The following SPO11 variants were observed in gnomAD, a reference collection of about 807,000 sequenced individuals.
SPO11 encodes the protein meiotic recombination protein SPO11.
In SPO11, 49 loss-of-function variants were observed where a neutral mutation model predicts 51.6. The observed-to-expected ratio is 0.95, with a 90% confidence interval of 0.75 to 1.20. The LOEUF (loss-of-function observed/expected upper bound fraction) is 1.20, where lower values mean the gene tolerates loss of function less well. Among genes scored for constraint, SPO11 ranks in the 50% most tolerant of loss-of-function variants. SPO11 has a pLI of 0.00. For missense variants in SPO11, 431 were observed against 473.4 expected (o/e 0.91, Z 0.83); for synonymous variants, 176 against 158.2 (o/e 1.11, Z -0.84).
At chr20:57,339,177 G>A (rs747870715) in intron 10 of SPO11, 151 bp downstream of exon 10, 7 of 468,606 alleles carry the variant, frequency 1.5e-5, no homozygotes, top group Non-Finnish European at 2.7e-5. Flanking sequence ...AGCAATCTGT[G>A]TGTCGGTGGC....
intron 10 of SPO11, 60 bp downstream of exon 10, chr20:57,339,086 T>G: frequency 8.4e-7 from 1 of 1,185,064 alleles, no homozygotes; most frequent in Non-Finnish European, 1.2e-6. Flanking sequence ...TTCATTGAGG[T>G]GATTTCTGCA....
At chr20:57,337,659 C>T (rs1374237526) in intron 8 of SPO11, 2 of 909,582 alleles carry the variant, frequency 2.2e-6, no homozygotes, top group Non-Finnish European at 3.1e-6. Flanking sequence ...TGAAATATTT[C>T]CTTAGGACCA....
At chr20:57,341,863 A>C (rs1340400445) in intron 11 of SPO11, among the ~76,000 whole-genome samples, 1 of 152,160 alleles carries the variant, frequency 6.6e-6, no homozygotes, top group Non-Finnish European at 1.5e-5. Context: ...CTAAAAAGCC[A>C]CTCCAAATGA....
At chr20:57,338,734 C>T (rs1373995041) in intron 9 of SPO11, among the ~76,000 whole-genome samples, 4 of 152,060 alleles carry the variant, frequency 2.6e-5, no homozygotes, top group Admixed American at 1.3e-4. Flanking sequence ...CAGGAACCAC[C>T]GTGCCCAGCC....
At chr20:57,340,242 G>C (rs1230304316) in intron 11 of SPO11, 64 bp downstream of exon 11, 11 of 1,088,114 alleles carry the variant, frequency 1.0e-5, no homozygotes, top group African/African-American at 1.5e-5. Flanking sequence ...GTAACAATAA[G>C]CCTAAAAAGT....
At chr20:57,337,434 C>T (rs115830696) in intron 8 of SPO11, among the ~76,000 whole-genome samples, 1 of 152,106 alleles carries the variant, frequency 6.6e-6, no homozygotes, top group Non-Finnish European at 1.5e-5. Flanking sequence ...GGTTTTGTTA[C>T]TCATTCAAGT....
rs761410004 is a variant in SPO11 at position 57,338,277 on chromosome 20, G to C, written c.746G>C (p.Gly249Ala). 6.2e-7 allele frequency: 1 copy of C among 1,604,006 alleles called. No individual in the cohort carries two copies. The highest frequency in any genetic ancestry group is 8.5e-7 in the Non-Finnish European group (1 of 1,172,426). Reference sequence around the variant, plus strand: ...TCTTAATTTTCATCTTCCTTTTAGGGAAAGGGAGTTCCTGATCTAAACACA... The same window carrying C: ...TCTTAATTTTCATCTTCCTTTTAGGCAAAGGGAGTTCCTGATCTAAACACA... The part of the protein sequence containing the change: ...NKLSPCIMIT[G>A]KGVPDLNTRL... Residue 249 changes from glycine to alanine, a missense_variant and splice_region_variant, in exon 9 of 13, where the codon GGA becomes GCA. Around this residue, in one of 3 missense-constraint regions of SPO11, gnomAD observed 405 missense variants for 425.9 expected, o/e 0.95. Coordinates refer to ENST00000371263, the MANE Select transcript of SPO11 (RefSeq NM_012444.3).
chr20:57,337,096 CA>C (rs1345018637), intron 8 of SPO11, among the ~76,000 whole-genome samples: 1 of 152,148 alleles, frequency 6.6e-6, no homozygotes, highest in African/African-American at 2.4e-5. Context: ...ACTTGCCCAA[CA>C]TCACACCACT....
chr20:57,337,003 G>T (rs1568761128), intron 8 of SPO11, among the ~76,000 whole-genome samples: 1 of 152,108 alleles, frequency 6.6e-6, no homozygotes, highest in Admixed American at 6.5e-5. Context: ...TGAAATCCAT[G>T]TTGCTATAAT....
At chr20:57,336,190 C>T (rs1167721278) in intron 8 of SPO11, among the ~76,000 whole-genome samples, 2 of 152,022 alleles carry the variant, frequency 1.3e-5, no homozygotes, top group Non-Finnish European at 2.9e-5. Context: ...GTTCATGTTT[C>T]TAAAACCACA....
At chr20:57,339,416 C>A (rs1442214656) in intron 10 of SPO11, among the ~76,000 whole-genome samples, 1 of 152,106 alleles carries the variant, frequency 6.6e-6, no homozygotes, top group African/African-American at 2.4e-5. Flanking sequence ...GAAATGGAAA[C>A]AATAAATGTC....
rs2146095566 is a variant in SPO11, at chr20:57,338,970, G to T, written c.845-19G>T. ...AATATGTAAGGAGACTAATTTTATA[G>T]TTAACTTTCTTTTAACAGGCATAGA... is the stretch of plus-strand genomic sequence containing the variant. On this transcript the variant is annotated intron_variant, in intron 9 of 12. Coordinates refer to ENST00000371263, the MANE Select transcript of SPO11 (RefSeq NM_012444.3). 1 of 1,439,244 alleles carries T rather than the reference G, an allele frequency of 6.9e-7. No individual in the cohort carries two copies. The highest frequency in any genetic ancestry group is 9.5e-7 in the Non-Finnish European group (1 of 1,048,938). The allele number at this position is 1,439,244 out of a possible 1,614,324, so 89.2% of individuals were successfully genotyped here.
chr20:57,338,931 G>A lies in SPO11; in HGVS notation c.845-58G>A, dbSNP rs560151331. The stretch of plus-strand genomic sequence containing the variant: ...TTATAGATAGATAAAATTTGAGAGT[G>A]CAAATTAACCTGTAATATGTAAGGA... On this transcript the variant is annotated intron_variant, in intron 9 of 12. Coordinates refer to ENST00000371263, the MANE Select transcript of SPO11 (RefSeq NM_012444.3). The A allele has an allele frequency of 6.4e-6, 7 of 1,101,912 alleles. No individual in the cohort carries two copies. The East Asian group carries it at 1.3e-4, about 21-fold the overall frequency. The allele number at this position is 1,101,912 out of a possible 1,614,324, so 68.3% of individuals were successfully genotyped here. A position where few individuals can be genotyped will look rare whatever the true frequency, so the allele number is the denominator to read the frequency against.
chr20:57,333,880 ATG>A, intron 4 of SPO11, 105 bp from the exon 5 acceptor site: 1 of 906,224 alleles, frequency 1.1e-6, no homozygotes, highest in Non-Finnish European at 1.7e-6. Context: ...CTTTCTTTAT[ATG>A]TTGTGTTTTC....
In SPO11 at chr20:57,339,031, G is replaced by C. The variant is rs775712791; in HGVS notation, c.882+5G>C. 9 of 1,456,382 alleles carry C rather than the reference G, an allele frequency of 6.2e-6. No homozygotes were observed. The highest frequency in any genetic ancestry group is 8.4e-6 in the Non-Finnish European group (9 of 1,073,330). The allele number at this position is 1,456,382 out of a possible 1,614,324, so 90.2% of individuals were successfully genotyped here. ...ATCTATAAGTATGGATCTATGGTAA[G>C]TATAGAAAAGCAGTTTTCCTTTTTT... is the stretch of plus-strand genomic sequence containing the variant. On this transcript the variant is annotated splice_donor_5th_base_variant and intron_variant, in intron 10 of 12. Transcript: ENST00000371263.
intron 6 of SPO11, 117 bp downstream of exon 6, chr20:57,334,953 A>T (rs1208962607): frequency 1.3e-6 from 1 of 782,538 alleles, no homozygotes; most frequent in East Asian, 2.7e-5. Context: ...TCAAAATAAA[A>T]CTGAAAGATG....
At chr20:57,332,015 G>T in intron 2 of SPO11, 69 bp downstream of exon 2, 1 of 955,062 alleles carries the variant, frequency 1.0e-6, no homozygotes. Flanking sequence ...TTGAATTAGA[G>T]TTCTGGTCAT....
At chr20:57,337,690 TC>T in intron 8 of SPO11, 1 of 1,221,788 alleles carries the variant, frequency 8.2e-7, no homozygotes, top group South Asian at 1.3e-5. Flanking sequence ...CTGGCATAAT[TC>T]CCAGTCCTTC....
At chr20:57,338,893 C>T in intron 9 of SPO11, 96 bp from the exon 10 acceptor site, 1 of 749,996 alleles carries the variant, frequency 1.3e-6, no homozygotes, top group Non-Finnish European at 2.2e-6. Flanking sequence ...TGGTGATGTC[C>T]ACAAAATTAA....
Sources: allele counts gnomAD v4.1 joint callset (sites outside exome capture counted in the v4.1 genomes callset), GRCh38; gene constraint gnomAD v4.1.1; regional missense constraint gnomAD v4.1.1; transcripts MANE v1.5; gene names NCBI Gene and HGNC (gene_info 2026-07-23, HGNC 2026-07-21).